ACTR3C: variants seen among roughly 807,000 people sequenced by gnomAD.
The protein encoded by ACTR3C is actin related protein 3C, also known as actin-related protein 3C.
A neutral mutation model predicts 26.3 loss-of-function variants in ACTR3C; 18 were observed. The observed-to-expected ratio is 0.68, with a 90% CI of 0.47 to 1.01. The LOEUF (loss-of-function observed/expected upper bound fraction) is 1.01, where lower values mean the gene tolerates loss of function less well. Ranked by LOEUF, ACTR3C falls within the 50% of genes least tolerant of loss-of-function variation. The pLI is 0.00. For missense variants in ACTR3C, 184 were observed against 250.7 expected, an observed-to-expected ratio of 0.73 and a Z score of 1.80; for synonymous variants, 55 against 94.5, an observed-to-expected ratio of 0.58 and a Z score of 2.42.
chr7:149,974,616 G>A, the ACTR3C span, among the ~76,000 whole-genome samples: 5 of 152,230 alleles, frequency 3.3e-5, no homozygotes, highest in East Asian at 7.7e-4. Flanking sequence ...GTGGTGATCC[G>A]TCTGTGATGG....
chr7:149,898,036 G>T, the ACTR3C span, among the ~76,000 whole-genome samples: 8 of 152,192 alleles, frequency 5.3e-5, no homozygotes, highest in South Asian at 1.7e-3. Flanking sequence ...AAGTCTCAAA[G>T]ATATCAAATT....
the ACTR3C span, among the ~76,000 whole-genome samples, chr7:149,973,642 C>T: frequency 6.6e-6 from 1 of 151,984 alleles, no homozygotes; most frequent in Admixed American, 6.6e-5. Context: ...TGGTCAAACA[C>T]AAAAGTCTTT....
chr7:150,158,947 AC>A, the ACTR3C span, among the ~76,000 whole-genome samples: 1 of 147,830 alleles, frequency 6.8e-6, no homozygotes, highest in African/African-American at 2.5e-5. Flanking sequence ...ACACACGGGC[AC>A]ACACAGGTAC....
intron 6 of ACTR3C, among the ~76,000 whole-genome samples, chr7:150,265,258 G>GT: frequency 6.6e-6 from 1 of 151,552 alleles, no homozygotes; most frequent in Admixed American, 6.6e-5. Flanking sequence ...TCAAATAAAC[G>GT]TAAGCCTAAC....
At chr7:150,054,607 G>A in the ACTR3C span, among the ~76,000 whole-genome samples, 3 of 152,242 alleles carry the variant, frequency 2.0e-5, no homozygotes, top group Non-Finnish European at 4.4e-5. Context: ...TCTCTTAGCC[G>A]AGCCCAGTGT....
At chr7:150,135,871 GGAAAAGAAAA>G in the ACTR3C span, among the ~76,000 whole-genome samples, 4 of 138,098 alleles carry the variant, frequency 2.9e-5, no homozygotes, top group East Asian at 2.0e-4. Flanking sequence ...AAAAGGAAAA[GGAAAAGAAAA>G]GAAAAGAAAA....
At chr7:150,047,970 A>T in the ACTR3C span, 1 of 1,212,116 alleles carries the variant, frequency 8.3e-7, no homozygotes, top group East Asian at 4.8e-5. Context: ...AGGCAGCAGC[A>T]GCAGCAAGGC....
the ACTR3C span, among the ~76,000 whole-genome samples, chr7:150,234,421 T>C: frequency 4.0e-4 from 61 of 152,324 alleles, no homozygotes; most frequent in African/African-American, 1.4e-3. Flanking sequence ...CAATAACTTC[T>C]CTTCCATGCG....
At chr7:150,206,194 C>T in the ACTR3C span, among the ~76,000 whole-genome samples, 10 of 152,166 alleles carry the variant, frequency 6.6e-5, no homozygotes, top group South Asian at 4.1e-4. Flanking sequence ...TGACCATGCA[C>T]GGCTGTCAGT....
chr7:149,988,396 G>A, the ACTR3C span, among the ~76,000 whole-genome samples: 4 of 152,316 alleles, frequency 2.6e-5, no homozygotes, highest in South Asian at 6.2e-4. Flanking sequence ...AAGGCGGAGA[G>A]CATCGGTGTT....
At chr7:149,906,359 C>T in the ACTR3C span, among the ~76,000 whole-genome samples, 17 of 146,134 alleles carry the variant, frequency 1.2e-4, no homozygotes, top group Non-Finnish European at 2.1e-4. Flanking sequence ...GCAGTAATGA[C>T]GTGTTCATTC....
chr7:150,230,886 T>C, the ACTR3C span, among the ~76,000 whole-genome samples: 1 of 151,610 alleles, frequency 6.6e-6, no homozygotes, highest in Non-Finnish European at 1.5e-5. Flanking sequence ...TTTTTCTTGG[T>C]TACCTTAACT....
chr7:149,942,606 C>T, the ACTR3C span, among the ~76,000 whole-genome samples: 2 of 149,892 alleles, frequency 1.3e-5, no homozygotes, highest in African/African-American at 5.1e-5. Context: ...AAGGTTAGCA[C>T]CCATCAGTAA....
the ACTR3C span, among the ~76,000 whole-genome samples, chr7:150,138,879 A>G: frequency 6.6e-6 from 1 of 152,310 alleles, no homozygotes; most frequent in African/African-American, 2.4e-5. Context: ...TGCAAACCCT[A>G]CTGTGAACTG....
At chr7:150,209,905 C>T in the ACTR3C span, among the ~76,000 whole-genome samples, 68 of 132,604 alleles carry the variant, frequency 5.1e-4, no homozygotes, top group Non-Finnish European at 7.4e-4. Context: ...GGTGACAGAG[C>T]GAGACTGGGT....
the ACTR3C span, among the ~76,000 whole-genome samples, chr7:149,954,606 T>A: frequency 6.6e-6 from 1 of 152,218 alleles, no homozygotes; most frequent in South Asian, 2.1e-4. Flanking sequence ...TTATTCAATA[T>A]TTGGCACGTT....
chr7:150,088,078 A>G, the ACTR3C span, among the ~76,000 whole-genome samples: 1 of 152,232 alleles, frequency 6.6e-6, no homozygotes, highest in African/African-American at 2.4e-5. Context: ...GATTCCAGAT[A>G]CAAGTCTCTT....
chr7:149,977,894 C>T, the ACTR3C span, among the ~76,000 whole-genome samples: 9 of 151,324 alleles, frequency 5.9e-5, no homozygotes, highest in Non-Finnish European at 8.8e-5. Flanking sequence ...TCCAACCAGT[C>T]GGTCAGCTTT....
chr7:149,962,479 G>A, the ACTR3C span, among the ~76,000 whole-genome samples: 16 of 152,194 alleles, frequency 1.1e-4, no homozygotes, highest in East Asian at 3.1e-3. Context: ...GCCCAGCCAT[G>A]TGGAAGACCC....
Sources: allele counts gnomAD v4.1 joint callset (sites outside exome capture counted in the v4.1 genomes callset), GRCh38; gene constraint gnomAD v4.1.1; transcripts MANE v1.5; gene names NCBI Gene and HGNC (gene_info 2026-07-23, HGNC 2026-07-21).